The following TRPM4 variants were observed in gnomAD, a reference collection of about 807,000 sequenced individuals.
The protein encoded by TRPM4 is transient receptor potential cation channel subfamily M member 4.
In TRPM4, 124 loss-of-function variants were observed where a neutral mutation model predicts 135.6. The observed-to-expected ratio is 0.91, with a 90% CI of 0.79 to 1.06. TRPM4 has a LOEUF of 1.06. TRPM4 is among the 50% of genes least tolerant of loss of function. The probability of loss-of-function intolerance (pLI) is 0.00; values close to 1 mark genes in which losing one functional copy is unlikely to be tolerated. For missense variants in TRPM4, 1,658 were observed against 1,671.4 expected (o/e 0.99, Z 0.14); for synonymous variants, 745 against 705.6 (o/e 1.06, Z -0.88).
intron 17 of TRPM4, among the ~76,000 whole-genome samples, chr19:49,197,308 T>TTTCTTTC (rs1555761621): frequency 1.9e-4 from 23 of 122,326 alleles, no homozygotes; most frequent in Admixed American, 6.7e-4. Context: ...CTTTCTTTCT[T>TTTCTTTC]TTTCTTTCTT....
Position 49,171,486 on chromosome 19 carries a change from A to T in TRPM4, c.858+68A>T. On this transcript the variant is annotated intron_variant, in intron 7 of 24. Coordinates refer to ENST00000252826, the MANE Select transcript of TRPM4 (RefSeq NM_017636.4). The surrounding 1 kb of genome is among the most constrained non-coding windows in gnomAD (Gnocchi z 4.7). The stretch of plus-strand genomic sequence containing the variant: ...TGGGGGCCAGGACTCCTGGGTCCTG[A>T]GTCTTAGGGAGGGTCTGGGGGTCTG... 6.2e-7 allele frequency: 1 copy of T among 1,610,772 alleles called. No individual in the cohort carries two copies. The highest frequency in any genetic ancestry group is 1.1e-5 in the South Asian group (1 of 90,982).
At position 49,200,299 on chromosome 19, in the gene TRPM4, G is replaced by C; in HGVS notation, c.2646-1G>C. The C allele has an allele frequency of 6.2e-7, 1 of 1,614,074 alleles. No homozygotes were observed. The highest frequency in any genetic ancestry group is 8.5e-7 in the Non-Finnish European group (1 of 1,180,014). On this transcript the variant is annotated splice_acceptor_variant, in intron 17 of 24. Coordinates refer to ENST00000252826, the MANE Select transcript of TRPM4 (RefSeq NM_017636.4). LOFTEE classifies it high-confidence loss of function. ...CCTTGTGGCATCTCCCCACACCCCA[G>C]GCTGACCCCGGGTTTGTACCACCTG...
intron 14 of TRPM4, 40 bp from the exon 15 acceptor site, chr19:49,190,168 T>A (rs755147299): frequency 6.4e-7 from 1 of 1,565,558 alleles, no homozygotes; most frequent in Non-Finnish European, 8.8e-7. Flanking sequence ...GACGGGGCTG[T>A]GGGGGAGATT....
At chr19:49,167,796 C>G (rs1045981125) in intron 3 of TRPM4, 121 bp from the exon 4 acceptor site, 7 of 657,556 alleles carry the variant, frequency 1.1e-5, no homozygotes, top group African/African-American at 4.5e-5. Flanking sequence ...CTCTGTCCCT[C>G]TCTCTCTGGG....
chr19:49,168,574 C>T lies in TRPM4; in HGVS notation c.634C>T (p.Arg212Trp), dbSNP rs759593186. Residue 212 changes from arginine (R) to tryptophan (W), a missense_variant, in exon 6 of 25, where the codon CGG (arginine) becomes TGG (tryptophan). Coordinates refer to ENST00000252826, the MANE Select transcript of TRPM4 (RefSeq NM_017636.4). ...NPKGSFPARY[R>W]WRGDPEDGVQ... ...CTAGGGCTCGTTCCCTGCGAGGTAC[C>T]GGTGGCGCGGTGACCCGGAGGACGG... The T allele has an allele frequency of 4.1e-5, 66 of 1,613,680 alleles. No individual in the cohort carries two copies. The highest frequency in any genetic ancestry group is 6.6e-5 in the South Asian group (6 of 91,092).
intron 20 of TRPM4, among the ~76,000 whole-genome samples, chr19:49,204,909 GTC>G (rs1199261484): frequency 7.1e-6 from 1 of 140,480 alleles, no homozygotes; most frequent in Non-Finnish European, 1.5e-5. Context: ...CCTATGTTAG[GTC>G]TCTCTGTTTG....
At chr19:49,181,853 C>T (rs1348962158) in intron 10 of TRPM4, among the ~76,000 whole-genome samples, 1 of 152,026 alleles carries the variant, frequency 6.6e-6, no homozygotes, top group African/African-American at 2.4e-5. Context: ...TTAGACGCCC[C>T]TCAACCCTGC....
intron 9 of TRPM4, among the ~76,000 whole-genome samples, chr19:49,178,173 A>T (rs1188667984): frequency 3.9e-5 from 6 of 152,144 alleles, no homozygotes; most frequent in Admixed American, 1.3e-4. Flanking sequence ...TCTATAAAAA[A>T]TTAGCTGGGT....
Position 49,171,547 on chromosome 19 carries a change from G to T in TRPM4, c.859-31G>T. The T allele has an allele frequency of 6.2e-7, 1 of 1,613,676 alleles. No homozygotes were observed. Among genetic ancestry groups the T allele is most frequent in the Non-Finnish European group, 8.5e-7 (1 of 1,179,704 alleles). On this transcript the variant is annotated intron_variant, in intron 7 of 24. Transcript: ENST00000252826. The surrounding 1 kb of genome is among the most constrained non-coding windows in gnomAD (Gnocchi z 4.7). ...GGGTGAATATCCTGCCTTTTCTGAC[G>T]TGATGAATAAAGAATGCCTTTATCC... is the stretch of plus-strand genomic sequence containing the variant.
At chr19:49,205,162 T>C (rs1315850493) in intron 20 of TRPM4, among the ~76,000 whole-genome samples, 3 of 151,992 alleles carry the variant, frequency 2.0e-5, no homozygotes, top group African/African-American at 7.3e-5. Context: ...TACCAAAAAC[T>C]GTGTGGCTTT....
In TRPM4 at chr19:49,168,346, G is replaced by C. The variant is rs566398496; in HGVS notation, c.535G>C (p.Gly179Arg). The C allele has an allele frequency of 6.2e-7, 1 of 1,614,122 alleles. No homozygotes were observed. Among genetic ancestry groups the C allele is most frequent in the East Asian group, 2.2e-5 (1 of 44,886 alleles). ...ACGGGACCATCAGATGGCCAGCACT[G>C]GGGGCACCAAGGTGGTGGCCATGGG... The part of the protein sequence containing the change: ...AVRDHQMAST[G>R]GTKVVAMGVA... The change falls in exon 5 of 25, where the codon GGG becomes CGG. Residue 179 changes from glycine to arginine, a missense_variant. By Grantham distance (125) the Gly-to-Arg change is moderately radical. Around this residue, in one of 3 missense-constraint regions of TRPM4, gnomAD observed 7 missense variants for 22.6 expected, o/e 0.31. Coordinates refer to ENST00000252826, the MANE Select transcript of TRPM4 (RefSeq NM_017636.4).
chr19:49,167,189 G>A (rs1433160788), intron 3 of TRPM4, among the ~76,000 whole-genome samples: 1 of 109,036 alleles, frequency 9.2e-6, no homozygotes, highest in Non-Finnish European at 1.9e-5. Flanking sequence ...ATGTCTCTGG[G>A]TCTCTGTCCC....
rs1010877510 is a variant in TRPM4 at position 49,207,808 on chromosome 19, G to C, written c.3132-2401G>C. 5.9e-5 allele frequency among the ~76,000 whole-genome samples: 9 copies of C among 152,188 alleles called. No individual in the cohort carries two copies. The South Asian group carries it at 8.3e-4, about 14-fold the overall frequency. Reference sequence around the variant, plus strand: ...CTGTGGGTTTTTCTCCCCGTGTGCAGAGACAAGAGATTGTAGAAATGAAGA... The same window carrying C: ...CTGTGGGTTTTTCTCCCCGTGTGCACAGACAAGAGATTGTAGAAATGAAGA... On this transcript the variant is annotated intron_variant, in intron 20 of 24. Coordinates refer to ENST00000252826, the MANE Select transcript of TRPM4 (RefSeq NM_017636.4).
chr19:49,177,821 T>A (rs1967758927), intron 9 of TRPM4, among the ~76,000 whole-genome samples: 1 of 152,198 alleles, frequency 6.6e-6, no homozygotes, highest in African/African-American at 2.4e-5. Context: ...GCTTTTCATG[T>A]GAGTCTGTAT....
intron 9 of TRPM4, among the ~76,000 whole-genome samples, chr19:49,175,746 T>C (rs1352281781): frequency 7.1e-6 from 1 of 140,534 alleles, no homozygotes. Flanking sequence ...CTGAAAGCTC[T>C]GCCTCCTGGG....
chr19:49,188,886 C>T (rs1446562504), intron 13 of TRPM4, 60 bp from the exon 14 acceptor site: 18 of 1,613,396 alleles, frequency 1.1e-5, no homozygotes, highest in Non-Finnish European at 1.5e-5. Context: ...TTACCTCTCC[C>T]TTCACACCCT....
rs746112808 is a variant in TRPM4 at position 49,166,031 on chromosome 19, G to A, written c.93-10G>A. 6.3e-7 allele frequency: 1 copy of A among 1,583,990 alleles called. No homozygotes were observed. The highest frequency in any genetic ancestry group is 8.6e-7 in the Non-Finnish European group (1 of 1,167,086). On this transcript the variant is annotated splice_polypyrimidine_tract_variant and intron_variant, in intron 2 of 24. Transcript: ENST00000252826. ...AGCCCTGGGTTCACGCTCCGCCCTC[G>A]CACCCCCAGAGGGACCTTGTGCCAG...
intron 20 of TRPM4, among the ~76,000 whole-genome samples, chr19:49,203,834 A>C (rs1969045349): frequency 6.6e-6 from 1 of 152,216 alleles, no homozygotes; most frequent in Non-Finnish European, 1.5e-5. Context: ...TTGTACAAAT[A>C]GACCACATTT....
chr19:49,202,881 C>CTT (rs752188238), intron 20 of TRPM4, among the ~76,000 whole-genome samples: 7,372 of 109,524 alleles, frequency 0.067, 942 homozygotes, highest in African/African-American at 0.23. Flanking sequence ...ATTTTTACTT[C>CTT]TTTTTTTTTT....
Sources: gnomAD v4.1 joint callset for allele counts (sites outside exome capture counted in the v4.1 genomes callset) on GRCh38, gnomAD v4.1.1 for gene constraint, gnomAD v4.1.1 regional missense constraint, Gnocchi (gnomAD v3.1) non-coding constraint, MANE v1.5 for transcripts, NCBI Gene and HGNC (gene_info 2026-07-23, HGNC 2026-07-21) for gene names.